OR2V1: variants seen among roughly 807,000 people sequenced by gnomAD.
OR2V1 encodes the protein olfactory receptor family 2 subfamily V member 1.
Under a neutral mutation model 15.0 loss-of-function variants are expected in OR2V1, and 18 were observed. The ratio of observed to expected loss-of-function variants is 1.20; its 90% CI spans 0.83 to 1.78. The LOEUF is 1.78. Ranked by LOEUF, OR2V1 falls within the 40% of genes most tolerant of loss-of-function variation. The probability of loss-of-function intolerance (pLI) is 0.00; values close to 1 mark genes in which losing one functional copy is unlikely to be tolerated. For missense variants in OR2V1, 359 were observed against 392.9 expected, an observed-to-expected ratio of 0.91 and a Z score of 0.73; for synonymous variants, 144 against 146.1, an observed-to-expected ratio of 0.99 and a Z score of 0.10.
At chr5:181,129,189 G>A (rs377690402) in intron 3 of OR2V1, among the ~76,000 whole-genome samples, 18 of 152,018 alleles carry the variant, frequency 1.2e-4, no homozygotes, top group East Asian at 3.9e-4. Context: ...CTATGTTCAC[G>A]CCACTGCACT....
chr5:181,126,685 C>T (rs1235869021), intron 3 of OR2V1, among the ~76,000 whole-genome samples: 1 of 151,992 alleles, frequency 6.6e-6, no homozygotes, highest in Non-Finnish European at 1.5e-5. Flanking sequence ...CACAGACACG[C>T]ACAGAAACAC....
intron 3 of OR2V1, among the ~76,000 whole-genome samples, chr5:181,127,222 A>G (rs1275371589): frequency 6.6e-6 from 1 of 152,224 alleles, no homozygotes; most frequent in African/African-American, 2.4e-5. Flanking sequence ...TGCCTGGCTC[A>G]TAGCGGGACC....
rs759716871 is a variant in OR2V1, at chr5:181,124,500, G to A, written c.805C>T (p.Pro269Ser). 5 of 1,613,784 alleles carry A rather than the reference G, an allele frequency of 3.1e-6. No individual in the cohort carries two copies. Among genetic ancestry groups the A allele is most frequent in the Admixed American group, 3.3e-5 (2 of 59,984 alleles). Residue 269 changes from proline to serine, a missense_variant, in exon 4 of 4, where the codon CCT becomes TCT. Transcript: ENST00000641551. ...ATAGAGGCCACCTTGTCATGGCTAG[G>A]GGCCCGGTAGCGCCTAGGCCTCAGG... ...MYLRPRRYRA[P>S]SHDKVASIFY...
chr5:181,125,132 G>T lies in OR2V1; in HGVS notation c.173C>A (p.Thr58Asn), dbSNP rs1393994027. The T allele has an allele frequency of 4.3e-6, 7 of 1,614,086 alleles. No individual in the cohort carries two copies. In the African/African-American group the frequency reaches 5.3e-5, roughly 12 times the overall value. Residue 58 changes from threonine to asparagine, a missense_variant, in exon 4 of 4, where the codon ACC becomes AAC. By Grantham distance (65) the Thr-to-Asn change is moderately conservative. Coordinates refer to ENST00000641551, the MANE Select transcript of OR2V1 (RefSeq NM_001258283.2). The part of the protein sequence containing the change: ...FLIYLDAGLH[T>N]PMYFFLSQLS... ...CTGGCTGAGGAAGAAGTACATGGGGGTGTGAAGTCCAGCGTCCAGGTAGAT... is the reference window on the plus strand; with the variant it reads ...CTGGCTGAGGAAGAAGTACATGGGGTTGTGAAGTCCAGCGTCCAGGTAGAT...
chr5:181,124,701 C>G lies in OR2V1; in HGVS notation c.604G>C (p.Ala202Pro). The change falls in exon 4 of 4, where the codon GCT (alanine) becomes CCT (proline). Residue 202 changes from alanine (A) to proline (P), a missense_variant. Ala to Pro is a conservative substitution (Grantham distance 27, BLOSUM62 -1). Coordinates refer to ENST00000641551, the MANE Select transcript of OR2V1 (RefSeq NM_001258283.2). ...DTSLFDTLLFACCVFMLLLPF... is the reference protein window; with the variant it reads ...DTSLFDTLLFPCCVFMLLLPF... ...AGGAGAAGCATGAAGACACAGCAAG[C>G]AAAGAGGAGGGTGTCAAAAAGGGAA... 1.9e-6 allele frequency: 3 copies of G among 1,612,338 alleles called. No individual in the cohort carries two copies. Among genetic ancestry groups the G allele is most frequent in the Non-Finnish European group, 2.5e-6 (3 of 1,179,948 alleles).
intron 3 of OR2V1, among the ~76,000 whole-genome samples, chr5:181,128,796 A>G (rs1269085740): frequency 6.6e-6 from 1 of 152,124 alleles, no homozygotes; most frequent in Non-Finnish European, 1.5e-5. Flanking sequence ...CAGGCTGCTC[A>G]TGTGGGTGTC....
At chr5:181,128,100 G>A (rs1230581049) in intron 3 of OR2V1, among the ~76,000 whole-genome samples, 3 of 151,856 alleles carry the variant, frequency 2.0e-5, no homozygotes, top group East Asian at 1.9e-4. Flanking sequence ...CTGGAGAAAC[G>A]CCTGTTCTCC....
At chr5:181,128,769 A>G (rs1176389276) in intron 3 of OR2V1, among the ~76,000 whole-genome samples, 2 of 152,062 alleles carry the variant, frequency 1.3e-5, no homozygotes, top group Non-Finnish European at 2.9e-5. Flanking sequence ...CAGCAGGCAT[A>G]TATGCAAGGC....
intron 3 of OR2V1, among the ~76,000 whole-genome samples, chr5:181,128,772 T>C (rs991920534): frequency 4.6e-5 from 7 of 152,166 alleles, no homozygotes; most frequent in African/African-American, 1.7e-4. Context: ...CAGGCATATA[T>C]GCAAGGCAGG....
At chr5:181,126,413 TCA>T (rs751781482) in intron 3 of OR2V1, among the ~76,000 whole-genome samples, 43 of 128,946 alleles carry the variant, frequency 3.3e-4, no homozygotes, top group Non-Finnish European at 5.4e-4. Flanking sequence ...AAGCCCTACA[TCA>T]CACACCACAC....
intron 3 of OR2V1, 64 bp from the exon 4 acceptor site, chr5:181,125,389 G>T (rs532435336): frequency 8.3e-7 from 1 of 1,204,990 alleles, no homozygotes. Context: ...AAATTCTTCA[G>T]TTCAACAGCG....
At chr5:181,129,951 GGGTCAAA>G (rs1762939398) in intron 2 of OR2V1, among the ~76,000 whole-genome samples, 1 of 152,198 alleles carries the variant, frequency 6.6e-6, no homozygotes, top group African/African-American at 2.4e-5. Context: ...AGAGAGAGGT[GGGTCAAA>G]GGAAGAGAAC....
At chr5:181,127,473 G>A (rs58390246) in intron 3 of OR2V1, among the ~76,000 whole-genome samples, 11 of 152,282 alleles carry the variant, frequency 7.2e-5, no homozygotes, top group African/African-American at 9.6e-5. Flanking sequence ...AGGCCTCTGC[G>A]TGCAGGTGCA....
At position 181,125,195 on chromosome 5, in the gene OR2V1, G is replaced by A. The variant is rs538486220; in HGVS notation, c.110C>T (p.Thr37Ile). ...GAGGACATTCCCACAGAGGGCCACT[G>A]TGAAGACCACCATAACTGCAGAGAA... is the stretch of plus-strand genomic sequence containing the variant. ...VLFSAVMVVF[T>I]VALCGNVLLI... Residue 37 changes from threonine (T) to isoleucine (I), a missense_variant, in exon 4 of 4, where the codon ACA becomes ATA. Coordinates refer to ENST00000641551, the MANE Select transcript of OR2V1 (RefSeq NM_001258283.2). 6.2e-7 allele frequency: 1 copy of A among 1,614,172 alleles called. No individual in the cohort carries two copies. Among genetic ancestry groups the A allele is most frequent in the African/African-American group, 1.3e-5 (1 of 75,052 alleles).
In OR2V1 at chr5:181,124,215, T is replaced by C. The variant is rs980511650; in HGVS notation, c.*142A>G. On this transcript the variant is annotated 3_prime_UTR_variant, in exon 4 of 4. Transcript: ENST00000641551. ...TTTTTTGGTACAGAAATGTTCATAA[T>C]GGCTTTTCTCATGATGGCCAAAACC... The C allele has an allele frequency of 8.7e-6, 6 of 691,996 alleles. No homozygotes were observed. The African/African-American group carries it at 9.0e-5, about 10-fold the overall frequency. 42.9% of individuals were successfully genotyped at this position (691,996 alleles called of 1,614,324 possible). A position where few individuals can be genotyped will look rare whatever the true frequency, so the allele number is the denominator to read the frequency against.
At position 181,125,314 on chromosome 5, in the gene OR2V1, GT is replaced by G; in HGVS notation, c.-11del. 1 of 1,606,654 alleles carries G rather than the reference GT, an allele frequency of 6.2e-7. No homozygotes were observed. Among genetic ancestry groups the G allele is most frequent in the East Asian group, 2.2e-5 (1 of 44,788 alleles). ...TCACCCATCTTCCCATGGCTTAGTT[GT>G]TCACTGTCACCTGAGAACATAAGAG... On this transcript the variant is annotated 5_prime_UTR_variant, in exon 4 of 4. An upstream open reading frame in the 5' UTR loses its in-frame stop. Transcript: ENST00000641551.
In OR2V1 at chr5:181,128,800, G is replaced by A. The variant is rs145241195; in HGVS notation, c.-22+720C>T. Among the ~76,000 whole-genome samples the A allele has an allele frequency of 1.7e-3, 259 of 152,296 alleles. 1 individual carries two copies. The highest frequency in any genetic ancestry group is 6.0e-3 in the African/African-American group (250 of 41,562). Reference sequence around the variant, plus strand: ...AAGGCAGGCCCCAGGCTGCTCATGTGGGTGTCTGTTCTCTGCTTTCCCAAC... The same window carrying A: ...AAGGCAGGCCCCAGGCTGCTCATGTAGGTGTCTGTTCTCTGCTTTCCCAAC... On this transcript the variant is annotated intron_variant, in intron 3 of 3. Transcript: ENST00000641551.
intron 3 of OR2V1, among the ~76,000 whole-genome samples, chr5:181,126,166 G>T (rs749073820): frequency 5.9e-5 from 9 of 151,874 alleles, no homozygotes; most frequent in Non-Finnish European, 1.2e-4. Flanking sequence ...AATCTAATTC[G>T]CTTTTCCCAC....
At chr5:181,125,618 C>T (rs1437261006) in intron 3 of OR2V1, among the ~76,000 whole-genome samples, 3 of 152,246 alleles carry the variant, frequency 2.0e-5, no homozygotes, top group Admixed American at 6.5e-5. Flanking sequence ...GCTGGGGTCA[C>T]ATGGATTTGG....
Sources: gnomAD v4.1 joint callset for allele counts (sites outside exome capture counted in the v4.1 genomes callset) on GRCh38, gnomAD v4.1.1 for gene constraint, MANE v1.5 for transcripts, NCBI Gene and HGNC (gene_info 2026-07-23, HGNC 2026-07-21) for gene names.